Variants in PCDH15 observed in about 807,000 individuals in gnomAD.
PCDH15 encodes the protein protocadherin-15.
A neutral mutation model predicts 178.5 loss-of-function variants in PCDH15; 129 were observed. That is an observed-to-expected ratio of 0.72 (90% CI 0.63 to 0.84). The LOEUF (loss-of-function observed/expected upper bound fraction) is 0.84, where lower values mean the gene tolerates loss of function less well. Among genes scored for constraint, PCDH15 ranks in the 40% least tolerant of loss-of-function variants. The probability of loss-of-function intolerance (pLI) is 0.00; values close to 1 mark genes in which losing one functional copy is unlikely to be tolerated. For missense variants in PCDH15, 2,230 were observed against 2,099.9 expected (o/e 1.06, Z -1.21); for synonymous variants, 800 against 732.0 (o/e 1.09, Z -1.50).
At position 54,775,750 on chromosome 10, in the gene PCDH15, T is replaced by G. The variant is rs1170089122; in HGVS notation, c.-29+25175A>C. Among the ~76,000 whole-genome samples, 3 of 152,244 alleles carry G rather than the reference T, an allele frequency of 2.0e-5. No individual in the cohort carries two copies. The East Asian group carries it at 5.8e-4, about 30-fold the overall frequency. On this transcript the variant is annotated intron_variant, in intron 1 of 37. Transcript: ENST00000644397. Reference sequence around the variant, plus strand: ...AATACAAAAAATTAGCTGGGCGTGGTGGCGGGCGCCTGTAGTCCCAGCTAC... The same window carrying G: ...AATACAAAAAATTAGCTGGGCGTGGGGGCGGGCGCCTGTAGTCCCAGCTAC...
chr10:54,049,910 T>G (rs2093731918), intron 18 of PCDH15, among the ~76,000 whole-genome samples: 1 of 152,290 alleles, frequency 6.6e-6, no homozygotes, highest in Non-Finnish European at 1.5e-5. Flanking sequence ...TGAGCCATGG[T>G]GCCCAGCTTT....
intron 18 of PCDH15, among the ~76,000 whole-genome samples, chr10:54,026,092 C>G (rs1043894218): frequency 7.1e-6 from 1 of 141,680 alleles, no homozygotes. Flanking sequence ...TTTTTTGAAA[C>G]AGGTCTTGCT....
At chr10:54,554,505 C>T (rs1286258474) in intron 2 of PCDH15, among the ~76,000 whole-genome samples, 2 of 151,916 alleles carry the variant, frequency 1.3e-5, no homozygotes, top group African/African-American at 2.4e-5. Context: ...ATGAAAGACC[C>T]TGAATATTAG....
chr10:54,196,323 TA>T (rs2049646914), intron 10 of PCDH15, among the ~76,000 whole-genome samples: 1 of 151,942 alleles, frequency 6.6e-6, no homozygotes, highest in Non-Finnish European at 1.5e-5. Flanking sequence ...TTTGTATTTT[TA>T]GTAGAGACAG....
At chr10:55,331,313 G>A (rs1387885758) in intron 2 of PCDH15, among the ~76,000 whole-genome samples, 1 of 151,864 alleles carries the variant, frequency 6.6e-6, no homozygotes, top group African/African-American at 2.4e-5. Flanking sequence ...TGCCATATAT[G>A]AGACTATTTT....
At chr10:55,112,800 T>C (rs1035896198) in intron 2 of PCDH15, among the ~76,000 whole-genome samples, 1 of 152,114 alleles carries the variant, frequency 6.6e-6, no homozygotes, top group African/African-American at 2.4e-5. Flanking sequence ...AACACACTTA[T>C]CAATCAAAAG....
intron 1 of PCDH15, among the ~76,000 whole-genome samples, chr10:55,271,664 A>G (rs1842448580): frequency 6.6e-6 from 1 of 151,992 alleles, no homozygotes; most frequent in Non-Finnish European, 1.5e-5. Context: ...AGCAGTGGTC[A>G]CTCCTGTACT....
rs147036738 is a variant in PCDH15 at position 54,980,715 on chromosome 10, A to T, written c.-79-83215T>A. ...GATTCTCTACTTTTCTTTATGTTAC[A>T]CTTTTCAATCAAATTCATTCATAAT... is the stretch of plus-strand genomic sequence containing the variant. On this transcript the variant is annotated intron_variant, in intron 2 of 5. Transcript: ENST00000458638. Among the ~76,000 whole-genome samples, 494 of 152,134 alleles carry T rather than the reference A, an allele frequency of 3.2e-3. 3 individuals are homozygous for T. Among genetic ancestry groups the T allele is most frequent in the African/African-American group, 0.012 (482 of 41,506 alleles).
chr10:54,494,246 A>G (rs1466536563), intron 3 of PCDH15, among the ~76,000 whole-genome samples: 1 of 152,004 alleles, frequency 6.6e-6, no homozygotes, highest in African/African-American at 2.4e-5. Context: ...AATAATAATA[A>G]TAAAAAGAAA....
chr10:54,007,524 G>A (rs2092426931), intron 20 of PCDH15, among the ~76,000 whole-genome samples: 1 of 152,004 alleles, frequency 6.6e-6, no homozygotes, highest in Non-Finnish European at 1.5e-5. Context: ...TTGTTACATT[G>A]ATGTTCTATA....
intron 13 of PCDH15, among the ~76,000 whole-genome samples, chr10:54,168,131 G>T (rs1400993252): frequency 2.0e-5 from 3 of 151,616 alleles, no homozygotes; most frequent in African/African-American, 4.8e-5. Flanking sequence ...CTGCAATGCC[G>T]CTTGACCCCA....
intron 2 of PCDH15, among the ~76,000 whole-genome samples, chr10:55,500,424 A>G (rs1840630728): frequency 6.6e-6 from 1 of 151,842 alleles, no homozygotes; most frequent in Non-Finnish European, 1.5e-5. Context: ...GATTGTCAGA[A>G]TACAAGAAAG....
intron 20 of PCDH15, among the ~76,000 whole-genome samples, chr10:54,002,225 T>A (rs1379572757): frequency 1.3e-5 from 2 of 151,874 alleles, no homozygotes; most frequent in African/African-American, 4.8e-5. Flanking sequence ...AAGAGCCAGA[T>A]ACATCCCCAA....
intron 3 of PCDH15, among the ~76,000 whole-genome samples, chr10:54,865,839 G>A (rs1006001718): frequency 2.0e-5 from 3 of 152,108 alleles, no homozygotes; most frequent in Non-Finnish European, 4.4e-5. Context: ...TTAGCTTAAG[G>A]GGAGAAGAAA....
intron 13 of PCDH15, among the ~76,000 whole-genome samples, chr10:54,171,696 G>A (rs1385055277): frequency 3.3e-5 from 5 of 150,264 alleles, no homozygotes; most frequent in Admixed American, 6.7e-5. Context: ...AATCTCCTTA[G>A]GCACTCTCTA....
intron 2 of PCDH15, among the ~76,000 whole-genome samples, chr10:54,931,925 A>C (rs1837788115): frequency 1.3e-5 from 2 of 152,118 alleles, no homozygotes; most frequent in South Asian, 4.1e-4. Context: ...TAGGGAAAGA[A>C]AATGCACCTC....
chr10:54,171,231 A>G (rs1478887811), intron 13 of PCDH15, among the ~76,000 whole-genome samples: 1 of 152,060 alleles, frequency 6.6e-6, no homozygotes. Flanking sequence ...AAACCTTTAT[A>G]TCCCTTACGG....
chr10:55,028,241 A>T (rs565303258), intron 2 of PCDH15, among the ~76,000 whole-genome samples: 135 of 152,040 alleles, frequency 8.9e-4, no homozygotes, highest in Non-Finnish European at 1.4e-3. Flanking sequence ...GGCTAAAAAT[A>T]GTGGAACTAA....
At chr10:54,093,021 CTTTTA>C (rs1393454901) in intron 15 of PCDH15, among the ~76,000 whole-genome samples, 4 of 151,682 alleles carry the variant, frequency 2.6e-5, no homozygotes, top group Non-Finnish European at 4.4e-5. Context: ...AATATCGAAT[CTTTTA>C]TTATATCAGA....
Sources: allele counts gnomAD v4.1 joint callset (sites outside exome capture counted in the v4.1 genomes callset), GRCh38; gene constraint gnomAD v4.1.1; transcripts MANE v1.5; gene names NCBI Gene and HGNC (gene_info 2026-07-23, HGNC 2026-07-21).